The following AUTS2 variants were observed in gnomAD, a reference collection of about 807,000 sequenced individuals.
AUTS2 encodes autism susceptibility gene 2 protein.
A neutral mutation model predicts 112.4 loss-of-function variants in AUTS2; 17 were observed. That is an observed-to-expected ratio of 0.15 (90% CI 0.10 to 0.23). AUTS2 has a LOEUF of 0.23. AUTS2 is among the 10% of genes least tolerant of loss of function. The pLI is 1.00. For synonymous variants in AUTS2, 751 were observed against 702.7 expected (o/e 1.07, Z -1.09); for missense variants, 1,510 against 1,701.6 (o/e 0.89, Z 1.98).
At chr7:69,845,869 C>A (rs888073811) in intron 1 of AUTS2, among the ~76,000 whole-genome samples, 5 of 152,168 alleles carry the variant, frequency 3.3e-5, no homozygotes, top group Non-Finnish European at 7.3e-5. Context: ...TCCTGGGATG[C>A]AGGTGCCTGG....
intron 4 of AUTS2, among the ~76,000 whole-genome samples, chr7:70,228,300 A>T (rs1023567858): frequency 6.6e-6 from 1 of 151,236 alleles, no homozygotes; most frequent in Non-Finnish European, 1.5e-5. Flanking sequence ...ATCTTTTTTA[A>T]ACTTATTTTT....
chr7:70,765,640 C>T, intron 8 of AUTS2, among the ~76,000 whole-genome samples: 1 of 152,160 alleles, frequency 6.6e-6, no homozygotes, highest in East Asian at 1.9e-4. Flanking sequence ...ACATGCGAGC[C>T]CTGCCGTGTG....
intron 3 of AUTS2, among the ~76,000 whole-genome samples, chr7:70,123,908 T>C (rs907743655): frequency 6.6e-6 from 1 of 152,212 alleles, no homozygotes; most frequent in Non-Finnish European, 1.5e-5. Flanking sequence ...TGCTTTTAGC[T>C]TTTGAGGAAT....
chr7:70,371,923 A>G (rs1045865680), intron 4 of AUTS2, among the ~76,000 whole-genome samples: 9 of 152,160 alleles, frequency 5.9e-5, no homozygotes, highest in Admixed American at 5.9e-4. Context: ...ATGGCCAGTG[A>G]TTTCTCTAGG....
At chr7:70,675,339 A>G (rs1051410013) in intron 5 of AUTS2, among the ~76,000 whole-genome samples, 2 of 152,076 alleles carry the variant, frequency 1.3e-5, no homozygotes, top group Non-Finnish European at 2.9e-5. Flanking sequence ...CTAAAATTAT[A>G]AAAATTAGCC....
At chr7:70,606,993 C>T (rs38300) in intron 5 of AUTS2, among the ~76,000 whole-genome samples, 18,755 of 152,062 alleles carry the variant, frequency 0.12, 1,406 homozygotes, top group East Asian at 0.23. Context: ...GTAATAAGTC[C>T]TAGTGATAGC....
chr7:70,507,194 C>T (rs1014449105), intron 5 of AUTS2, among the ~76,000 whole-genome samples: 2 of 152,198 alleles, frequency 1.3e-5, no homozygotes, highest in African/African-American at 4.8e-5. Flanking sequence ...TCTTGCAAGA[C>T]TAACCAGAGA....
Position 70,560,506 on chromosome 7 carries a change from A to G in AUTS2, c.690+124725A>G, listed in dbSNP as rs1801438573. 2.6e-5 allele frequency among the ~76,000 whole-genome samples: 4 copies of G among 152,242 alleles called. No homozygotes were observed. The South Asian group carries it at 8.3e-4, about 31-fold the overall frequency. On this transcript the variant is annotated intron_variant, in intron 5 of 18. Coordinates refer to ENST00000342771, the MANE Select transcript of AUTS2 (RefSeq NM_015570.4). The stretch of plus-strand genomic sequence containing the variant: ...GTTGGAAATGGAGTTTTAAAACAAC[A>G]GGGTTATTTTTTAAGCTTTCTAATA...
At chr7:69,819,901 C>T (rs771214208) in intron 1 of AUTS2, among the ~76,000 whole-genome samples, 1 of 152,170 alleles carries the variant, frequency 6.6e-6, no homozygotes, top group African/African-American at 2.4e-5. Context: ...GCCCAGCCCC[C>T]AGTAAGCTTT....
intron 1 of AUTS2, among the ~76,000 whole-genome samples, chr7:69,657,847 G>C (rs1340040255): frequency 6.6e-6 from 1 of 152,090 alleles, no homozygotes. Flanking sequence ...TGTAATTGTT[G>C]GTTTACCTTC....
At chr7:70,717,176 G>A (rs540749450) in intron 6 of AUTS2, among the ~76,000 whole-genome samples, 2 of 151,768 alleles carry the variant, frequency 1.3e-5, no homozygotes, top group South Asian at 4.2e-4. Flanking sequence ...AGACTATATA[G>A]GTGCATATAT....
chr7:70,555,515 G>GGGACCCTCATATTCTT (rs750415597), intron 5 of AUTS2, among the ~76,000 whole-genome samples: 2 of 152,114 alleles, frequency 1.3e-5, no homozygotes, highest in African/African-American at 2.4e-5. Flanking sequence ...CCTTGGACCT[G>GGGACCCTCATATTCTT]GGACCCTCAT....
At chr7:69,865,064 A>G (rs947335033) in intron 1 of AUTS2, among the ~76,000 whole-genome samples, 2 of 151,826 alleles carry the variant, frequency 1.3e-5, no homozygotes, top group African/African-American at 4.8e-5. Flanking sequence ...ATGAACAGAA[A>G]GATTTATGTC....
At chr7:69,894,252 G>GT (rs370966756) in intron 1 of AUTS2, among the ~76,000 whole-genome samples, 16,324 of 35,992 alleles carry the variant, frequency 0.45, 5,476 homozygotes, top group East Asian at 0.56. Flanking sequence ...GCCTTAAAGC[G>GT]TTTTTTTTTT....
chr7:69,846,247 G>A (rs1010863714), intron 1 of AUTS2, among the ~76,000 whole-genome samples: 1 of 152,128 alleles, frequency 6.6e-6, no homozygotes, highest in Non-Finnish European at 1.5e-5. Context: ...GATTATTCTG[G>A]ACTCTGTGAC....
intron 1 of AUTS2, among the ~76,000 whole-genome samples, chr7:69,829,909 T>G (rs777562911): frequency 6.6e-6 from 1 of 152,164 alleles, no homozygotes; most frequent in African/African-American, 2.4e-5. Flanking sequence ...GGATCATAAA[T>G]CATTCTACTA....
intron 5 of AUTS2, among the ~76,000 whole-genome samples, chr7:70,613,001 T>A (rs1408514789): frequency 2.0e-5 from 3 of 152,182 alleles, no homozygotes; most frequent in African/African-American, 7.2e-5. Flanking sequence ...TGGTACATCA[T>A]CATGCAGGCG....
intron 1 of AUTS2, among the ~76,000 whole-genome samples, chr7:69,717,550 G>T (rs1221946014): frequency 6.6e-6 from 1 of 152,204 alleles, no homozygotes; most frequent in Non-Finnish European, 1.5e-5. Context: ...TGTGTGCTGT[G>T]TAGAGTATGG....
At chr7:70,587,200 C>T (rs1223853006) in intron 5 of AUTS2, among the ~76,000 whole-genome samples, 1 of 152,146 alleles carries the variant, frequency 6.6e-6, no homozygotes, top group Non-Finnish European at 1.5e-5. Flanking sequence ...ACCTCTGCCT[C>T]CTGAGTAGCT....
Sources: allele counts gnomAD v4.1 joint callset (sites outside exome capture counted in the v4.1 genomes callset), GRCh38; gene constraint gnomAD v4.1.1; transcripts MANE v1.5; gene names NCBI Gene and HGNC (gene_info 2026-07-23, HGNC 2026-07-21).